Variants in RBFOX1 observed in about 807,000 individuals in gnomAD.
RBFOX1 encodes the protein RNA binding fox-1 homolog 1, also known as RNA binding protein fox-1 homolog 1.
Under a neutral mutation model 57.7 loss-of-function variants are expected in RBFOX1, and 8 were observed. The ratio of observed to expected loss-of-function variants is 0.14; its 90% confidence interval spans 0.08 to 0.25. RBFOX1 has a LOEUF of 0.25. Ranked by LOEUF, RBFOX1 falls within the 10% of genes least tolerant of loss-of-function variation. The pLI, the probability that RBFOX1 is intolerant of heterozygous loss-of-function variation, is 1.00. For missense variants in RBFOX1, 611 were observed against 548.5 expected (o/e 1.11, Z -1.14); for synonymous variants, 326 against 222.4 (o/e 1.47, Z -4.15).
chr16:7,410,094 T>C (rs1010331999), intron 4 of RBFOX1, among the ~76,000 whole-genome samples: 8 of 152,238 alleles, frequency 5.3e-5, no homozygotes, highest in South Asian at 2.1e-4. Flanking sequence ...TAGTAGTAGA[T>C]TGAACATAGG....
intron 2 of RBFOX1, among the ~76,000 whole-genome samples, chr16:6,389,302 G>A (rs1032989572): frequency 5.3e-5 from 8 of 152,200 alleles, no homozygotes; most frequent in African/African-American, 1.9e-4. Context: ...ACTCTGCAGA[G>A]ATGGTGCAGG....
intron 2 of RBFOX1, among the ~76,000 whole-genome samples, chr16:6,651,958 C>G (rs1602786456): frequency 6.6e-6 from 1 of 152,232 alleles, no homozygotes; most frequent in South Asian, 2.1e-4. Context: ...GTGAAATAAG[C>G]CAGGCACAGA....
chr16:5,735,499 C>A (rs1282522622), intron 3 of RBFOX1, among the ~76,000 whole-genome samples: 3 of 152,236 alleles, frequency 2.0e-5, no homozygotes, highest in Non-Finnish European at 4.4e-5. Flanking sequence ...CCCTTCAGTT[C>A]CTTCCCGCTT....
chr16:6,028,221 G>A (rs145385456), intron 1 of RBFOX1, among the ~76,000 whole-genome samples: 96 of 152,298 alleles, frequency 6.3e-4, no homozygotes, highest in African/African-American at 2.2e-3. Flanking sequence ...GCTGAGTCCA[G>A]TTCAGGTTGC....
At chr16:6,974,943 A>C (rs1159446125) in intron 3 of RBFOX1, among the ~76,000 whole-genome samples, 6 of 152,124 alleles carry the variant, frequency 3.9e-5, no homozygotes, top group South Asian at 2.1e-4. Flanking sequence ...ACACTTTTTT[A>C]AAAGGATTGT....
At chr16:6,472,631 T>TTTC (rs1163642877) in intron 2 of RBFOX1, among the ~76,000 whole-genome samples, 8 of 142,162 alleles carry the variant, frequency 5.6e-5, no homozygotes, top group Non-Finnish European at 1.2e-4. Context: ...TCTTTCTTTC[T>TTTC]TTTTTTTTTT....
chr16:6,940,142 A>G (rs969953530), intron 3 of RBFOX1, among the ~76,000 whole-genome samples: 2 of 152,150 alleles, frequency 1.3e-5, no homozygotes, highest in Admixed American at 1.3e-4. Context: ...CAGTGAGCCA[A>G]GATCACGCTG....
chr16:7,188,620 A>T (rs74012715), intron 4 of RBFOX1, among the ~76,000 whole-genome samples: 1 of 152,196 alleles, frequency 6.6e-6, no homozygotes, highest in Non-Finnish European at 1.5e-5. Flanking sequence ...GACTTTTCCA[A>T]TAAGCATTGA....
At chr16:6,914,409 G>A (rs1161750714) in intron 3 of RBFOX1, among the ~76,000 whole-genome samples, 1 of 152,126 alleles carries the variant, frequency 6.6e-6, no homozygotes, top group Non-Finnish European at 1.5e-5. Flanking sequence ...GTTAAAAGAG[G>A]AAGAGAGAAG....
chr16:6,930,194 T>A (rs908872285), intron 3 of RBFOX1, among the ~76,000 whole-genome samples: 5 of 152,202 alleles, frequency 3.3e-5, no homozygotes, highest in African/African-American at 7.2e-5. Context: ...GGGATTAATA[T>A]TGAGAATATA....
At chr16:6,924,492 A>C (rs1401919095) in intron 3 of RBFOX1, among the ~76,000 whole-genome samples, 1 of 152,008 alleles carries the variant, frequency 6.6e-6, no homozygotes, top group African/African-American at 2.4e-5. Context: ...CCACCCCCAT[A>C]ACTCAAATAT....
chr16:7,186,377 C>A (rs1449326508), intron 4 of RBFOX1, among the ~76,000 whole-genome samples: 6 of 46,052 alleles, frequency 1.3e-4, no homozygotes, highest in Admixed American at 8.0e-4. Flanking sequence ...TAAATATAAA[C>A]ATAAACATAT....
intron 1 of RBFOX1, among the ~76,000 whole-genome samples, chr16:6,207,850 G>A (rs2097265451): frequency 6.6e-6 from 1 of 151,868 alleles, no homozygotes; most frequent in Non-Finnish European, 1.5e-5. Flanking sequence ...ACCACATCCA[G>A]CTAATTAAAA....
chr16:6,981,937 T>C (rs929975226), intron 3 of RBFOX1, among the ~76,000 whole-genome samples: 1 of 152,212 alleles, frequency 6.6e-6, no homozygotes, highest in African/African-American at 2.4e-5. Flanking sequence ...TGGGTCTTTG[T>C]ATTACAATAG....
chr16:6,844,423 A>C (rs2093652374), intron 3 of RBFOX1, among the ~76,000 whole-genome samples: 1 of 151,952 alleles, frequency 6.6e-6, no homozygotes, highest in East Asian at 1.9e-4. Context: ...TTCACCTACT[A>C]CTTATAAGTA....
intron 5 of RBFOX1, among the ~76,000 whole-genome samples, chr16:7,540,081 C>G (rs1429498648): frequency 6.6e-6 from 1 of 152,202 alleles, no homozygotes; most frequent in Non-Finnish European, 1.5e-5. Flanking sequence ...ATTGCTACTG[C>G]TTTGCAGAAA....
intron 3 of RBFOX1, among the ~76,000 whole-genome samples, chr16:6,758,166 C>T (rs1452263055): frequency 6.6e-6 from 1 of 152,036 alleles, no homozygotes; most frequent in Non-Finnish European, 1.5e-5. Flanking sequence ...CAGGTACTGT[C>T]CTCTTAATGT....
chr16:6,419,205 A>T (rs1466150742), intron 2 of RBFOX1, among the ~76,000 whole-genome samples: 1 of 152,112 alleles, frequency 6.6e-6, no homozygotes, highest in Non-Finnish European at 1.5e-5. Context: ...ACCTAATTCG[A>T]ATGCCCCCTC....
At chr16:7,693,200 C>G in intron 14 of RBFOX1, 1 of 789,896 alleles carries the variant, frequency 1.3e-6, no homozygotes, top group Non-Finnish European at 2.2e-6. Flanking sequence ...TTCCTCGCAA[C>G]ATCCATTCAC....
Sources: allele counts gnomAD v4.1 joint callset (sites outside exome capture counted in the v4.1 genomes callset), GRCh38; gene constraint gnomAD v4.1.1; transcripts MANE v1.5; gene names NCBI Gene and HGNC (gene_info 2026-07-23, HGNC 2026-07-21).